AOC1: variants seen among roughly 807,000 people sequenced by gnomAD.
AOC1 encodes the protein diamine oxidase [copper-containing].
A neutral mutation model predicts 57.1 loss-of-function variants in AOC1; 58 were observed. The observed-to-expected ratio is 1.02, with a 90% confidence interval of 0.82 to 1.26. The LOEUF (loss-of-function observed/expected upper bound fraction) is 1.26, where lower values mean the gene tolerates loss of function less well. Ranked by LOEUF, AOC1 falls within the 50% of genes most tolerant of loss-of-function variation. The pLI is 0.00. For missense variants in AOC1, 917 were observed against 1,005.3 expected, an observed-to-expected ratio of 0.91 and a Z score of 1.19; for synonymous variants, 401 against 423.4, an observed-to-expected ratio of 0.95 and a Z score of 0.65.
chr7:150,854,253 T>A (rs1411624977), intron 1 of AOC1: 3 of 151,090 alleles, frequency 2.0e-5, no homozygotes, highest in Non-Finnish European at 4.4e-5. Flanking sequence ...TAGAGGGACA[T>A]CCCCATGAGA....
intron 1 of AOC1, among the ~76,000 whole-genome samples, chr7:150,854,835 C>T (rs942949766): frequency 1.3e-5 from 2 of 152,236 alleles, no homozygotes; most frequent in African/African-American, 2.4e-5. Context: ...CACCCTGTGC[C>T]GCCGACTTTC....
intron 3 of AOC1, among the ~76,000 whole-genome samples, chr7:150,860,175 T>C (rs180809088): frequency 6.8e-6 from 1 of 146,238 alleles, no homozygotes; most frequent in African/African-American, 2.6e-5. Context: ...CAAAACTCCA[T>C]CAAAAAAAAA....
chr7:150,859,702 CA>C lies in AOC1; in HGVS notation c.1856+673del, dbSNP rs71196733. On this transcript the variant is annotated intron_variant, in intron 3 of 4. Transcript: ENST00000360937. Reference sequence around the variant, plus strand: ...TGGGCAACAGAGCAAGACTAGTTCTCAAAAAAAAAAAAAAAAAAATCCTAAG... The same window carrying C: ...TGGGCAACAGAGCAAGACTAGTTCTCAAAAAAAAAAAAAAAAAATCCTAAG... The C allele has an allele frequency of 9.1e-3, 945 of 103,942 alleles. 7 individuals are homozygous for C. Among genetic ancestry groups the C allele is most frequent in the African/African-American group, 0.026 (757 of 28,894 alleles). The allele number at this position is 103,942 out of a possible 1,614,324, so 6.4% of individuals were successfully genotyped here. A position where few individuals can be genotyped will look rare whatever the true frequency, so the allele number is the denominator to read the frequency against.
intron 1 of AOC1, among the ~76,000 whole-genome samples, chr7:150,853,678 TATATATATATATATATA>T (rs1563086989): frequency 2.2e-5 from 2 of 91,968 alleles, no homozygotes; most frequent in African/African-American, 3.7e-5. Flanking sequence ...TATATATATA[TATATATATATATATATA>T]TATTTATTTA....
At position 150,857,199 on chromosome 7, in the gene AOC1, T is replaced by C. The variant is rs748689877; in HGVS notation, c.729T>C (p.Tyr243=). ...VEQVWYNGKF[Y]GSPEELARKY... ...AGGTGTGGTACAACGGGAAGTTCTA[T>C]GGGAGCCCAGAGGAACTGGCTCGGA... The change falls in exon 2 of 5, where the codon TAT becomes TAC. Residue 243 remains tyrosine (Y), a synonymous_variant. Coordinates refer to ENST00000360937, the MANE Select transcript of AOC1 (RefSeq NM_001091.4). The surrounding 1 kb of genome is among the most constrained non-coding windows in gnomAD (Gnocchi z 6.6). The C allele has an allele frequency of 5.0e-6, 8 of 1,613,132 alleles. No individual in the cohort carries two copies. The highest frequency in any genetic ancestry group is 3.3e-5 in the Admixed American group (2 of 59,938).
rs139433593 is a variant in AOC1 at position 150,861,458 on chromosome 7, T to C, written c.*249T>C. ...CACACGGACATGCACACACATGGCA[T>C]GTACTTTATTCACACTGGTCTACTG... is the stretch of plus-strand genomic sequence containing the variant. On this transcript the variant is annotated 3_prime_UTR_variant, in exon 5 of 5. Transcript: ENST00000360937. This position sits in a 1 kb window ranked among gnomAD's most constrained non-coding sequence, Gnocchi z 4.5. 1.6e-3 allele frequency: 685 copies of C among 438,918 alleles called. 8 individuals are homozygous for C. Among genetic ancestry groups the C allele is most frequent in the African/African-American group, 0.012 (614 of 51,436 alleles). The allele number at this position is 438,918 out of a possible 1,614,324, so 27.2% of individuals were successfully genotyped here. A position where few individuals can be genotyped will look rare whatever the true frequency, so the allele number is the denominator to read the frequency against.
rs369523596 is a variant in AOC1, at chr7:150,861,136, G to A, written c.2183G>A (p.Arg728His). 1.4e-5 allele frequency: 23 copies of A among 1,614,072 alleles called. No individual in the cohort carries two copies. The East Asian group carries it at 1.8e-4, about 13-fold the overall frequency. Residue 728 changes from arginine (R) to histidine (H), a missense_variant, in exon 5 of 5, where the codon CGC becomes CAC. By Grantham distance (29) the Arg-to-His change is conservative. Transcript: ENST00000360937. The surrounding 1 kb of genome is among the most constrained non-coding windows in gnomAD (Gnocchi z 4.5). ...GACAACGGCCCCAACTACGTCCAGC[G>A]CTGGATCCCTGAGGACAGGGACTGC... is the stretch of plus-strand genomic sequence containing the variant. ...PRDNGPNYVQ[R>H]WIPEDRDCSM...
rs142518059 is a variant in AOC1, at chr7:150,860,486, G to A, written c.1857-15G>A. ...CCAGGGCCCTGAGCCAAGCTGCTTCGCCTGTGCCTGGCAGGTACCCCCTGG... is the reference window on the plus strand; with the variant it reads ...CCAGGGCCCTGAGCCAAGCTGCTTCACCTGTGCCTGGCAGGTACCCCCTGG... On this transcript the variant is annotated splice_polypyrimidine_tract_variant and intron_variant, in intron 3 of 4. Coordinates refer to ENST00000360937, the MANE Select transcript of AOC1 (RefSeq NM_001091.4). The A allele has an allele frequency of 3.9e-4, 633 of 1,613,814 alleles. 5 individuals are homozygous for A. In the African/African-American group the frequency reaches 7.2e-3, roughly 18 times the overall value.
intron 3 of AOC1, 83 bp downstream of exon 3, chr7:150,859,131 T>C: frequency 7.2e-7 from 1 of 1,392,948 alleles, no homozygotes; most frequent in Non-Finnish European, 9.5e-7. Context: ...TTTGTGTCTA[T>C]GGGGTTCCTA....
In AOC1 at chr7:150,857,306, C is replaced by G. The variant is rs201727886; in HGVS notation, c.836C>G (p.Pro279Arg). 13 of 1,596,606 alleles carry G rather than the reference C, an allele frequency of 8.1e-6. No individual in the cohort carries two copies. Among genetic ancestry groups the G allele is most frequent in the African/African-American group, 1.3e-5 (1 of 74,552 alleles). The change falls in exon 2 of 5, where the codon CCG becomes CGG. Residue 279 changes from proline (P) to arginine (R), a missense_variant. Physicochemically the swap from Pro to Arg is moderately radical, Grantham distance 103. Transcript: ENST00000360937. This position sits in a 1 kb window ranked among gnomAD's most constrained non-coding sequence, Gnocchi z 6.6. The stretch of plus-strand genomic sequence containing the variant: ...AAGGGGCATGACAGCACAGAGGAGC[C>G]GCCCCTCTTCTCCTCCCACAAGCCC... ...GGKGHDSTEEPPLFSSHKPRG... is the reference protein window; with the variant it reads ...GGKGHDSTEERPLFSSHKPRG...
chr7:150,859,715 A>AG lies in AOC1; in HGVS notation c.1856+667_1856+668insG, dbSNP rs1554414976. 1.4e-3 allele frequency: 219 copies of AG among 151,950 alleles called. 2 individuals are homozygous for AG. The highest frequency in any genetic ancestry group is 4.8e-3 in the African/African-American group (198 of 40,846). The allele number at this position is 151,950 out of a possible 1,614,324, so 9.4% of individuals were successfully genotyped here. ...AAGACTAGTTCTCAAAAAAAAAAAA[A>AG]AAAAAATCCTAAGGAAAAGAAAATA... is the stretch of plus-strand genomic sequence containing the variant. On this transcript the variant is annotated intron_variant, in intron 3 of 4. Coordinates refer to ENST00000360937, the MANE Select transcript of AOC1 (RefSeq NM_001091.4).
At chr7:150,860,710 A>G in intron 4 of AOC1, 77 bp downstream of exon 4, 1 of 1,532,308 alleles carries the variant, frequency 6.5e-7, no homozygotes, top group Non-Finnish European at 8.9e-7. Context: ...CCTCATCACC[A>G]TCAGGGAGTC....
intron 1 of AOC1, among the ~76,000 whole-genome samples, chr7:150,853,686 T>G (rs1268365180): frequency 2.2e-5 from 2 of 92,742 alleles, no homozygotes; most frequent in Non-Finnish European, 4.8e-5. Context: ...TATATATATA[T>G]ATATATATAT....
rs1799659495 is a variant in AOC1, at chr7:150,852,783, A to G, written c.-17+225A>G. 6.6e-6 allele frequency among the ~76,000 whole-genome samples: 1 copy of G among 152,122 alleles called. No individual in the cohort carries two copies. The highest frequency in any genetic ancestry group is 2.1e-4 in the South Asian group (1 of 4,828). ...TGGGGAAAGCTCAGAGAGGAGGGTG[A>G]GCAGGGAGAGGGCTTGCTTCCTGTT... On this transcript the variant is annotated intron_variant, in intron 1 of 4. Transcript: ENST00000360937. This position sits in a 1 kb window ranked among gnomAD's most constrained non-coding sequence, Gnocchi z 4.6.
At position 150,857,886 on chromosome 7, in the gene AOC1, C is replaced by G; in HGVS notation, c.1416C>G (p.Asn472Lys). The G allele has an allele frequency of 6.2e-7, 1 of 1,613,640 alleles. No individual in the cohort carries two copies. Among genetic ancestry groups the G allele is most frequent in the Non-Finnish European group, 8.5e-7 (1 of 1,179,682 alleles). The change falls in exon 2 of 5, where the codon AAC (asparagine) becomes AAG (lysine). Residue 472 changes from asparagine to lysine, a missense_variant. Transcript: ENST00000360937. This position sits in a 1 kb window ranked among gnomAD's most constrained non-coding sequence, Gnocchi z 6.6. ...TTTGGGACTTTATCTTCTACCCCAA[C>G]GGGGTGATGGAGGCCAAGATGCATG... ...DYIWDFIFYP[N>K]GVMEAKMHAT...
chr7:150,858,455 C>T (rs1584802423), intron 2 of AOC1, among the ~76,000 whole-genome samples: 1 of 152,226 alleles, frequency 6.6e-6, no homozygotes, highest in African/African-American at 2.4e-5. Flanking sequence ...CCACCAGGAC[C>T]ACACGGGCGG....
chr7:150,859,848 T>C (rs985123204), intron 3 of AOC1: 1 of 155,146 alleles, frequency 6.4e-6, no homozygotes, highest in Non-Finnish European at 1.5e-5. Context: ...GGTCTTGCTG[T>C]CTCACGGTGG....
intron 3 of AOC1, 107 bp downstream of exon 3, chr7:150,859,155 T>A: frequency 4.8e-6 from 6 of 1,239,942 alleles, no homozygotes; most frequent in Non-Finnish European, 6.5e-6. Context: ...TATGTGGATA[T>A]ACACATATAC....
intron 4 of AOC1, 42 bp from the exon 5 acceptor site, chr7:150,860,901 G>T: frequency 6.3e-7 from 1 of 1,590,156 alleles, no homozygotes; most frequent in Non-Finnish European, 8.5e-7. Flanking sequence ...CCAGTGGTCA[G>T]TACTCAGCCC....
Sources: gnomAD v4.1 joint callset for allele counts (sites outside exome capture counted in the v4.1 genomes callset) on GRCh38, gnomAD v4.1.1 for gene constraint, Gnocchi (gnomAD v3.1) non-coding constraint, MANE v1.5 for transcripts, NCBI Gene and HGNC (gene_info 2026-07-23, HGNC 2026-07-21) for gene names.